NMNAT3: variants seen among roughly 807,000 people sequenced by gnomAD.
NMNAT3 encodes nicotinamide nucleotide adenylyltransferase 3, also known as nicotinamide/nicotinic acid mononucleotide adenylyltransferase 3.
Under a neutral mutation model 24.8 loss-of-function variants are expected in NMNAT3, and 21 were observed. The observed-to-expected ratio is 0.85, with a 90% CI of 0.60 to 1.22. The LOEUF is 1.22. Ranked by LOEUF, NMNAT3 falls within the 50% of genes most tolerant of loss-of-function variation. The pLI is 0.00. For missense variants in NMNAT3, 387 were observed against 436.6 expected, an observed-to-expected ratio of 0.89 and a Z score of 1.01; for synonymous variants, 136 against 155.2, an observed-to-expected ratio of 0.88 and a Z score of 0.92.
chr3:139,600,431 G>A (rs2054661815), intron 3 of NMNAT3, among the ~76,000 whole-genome samples: 2 of 151,704 alleles, frequency 1.3e-5, no homozygotes, highest in African/African-American at 4.8e-5. Context: ...TCAGCCTTCC[G>A]AGTAGCTGGG....
At chr3:139,579,082 C>A in intron 4 of NMNAT3, 27 bp from the exon 5 acceptor site, 1 of 1,589,458 alleles carries the variant, frequency 6.3e-7, no homozygotes, top group Non-Finnish European at 8.6e-7. Flanking sequence ...AGTGGTGTTG[C>A]ACATACAGAC....
chr3:139,619,955 T>G (rs1251429723), intron 3 of NMNAT3, among the ~76,000 whole-genome samples: 1 of 152,172 alleles, frequency 6.6e-6, no homozygotes, highest in Non-Finnish European at 1.5e-5. Flanking sequence ...AAACAATAAT[T>G]TTTAAATACC....
At chr3:139,615,460 T>TATCTATCTATCTATCC (rs748766151) in intron 3 of NMNAT3, among the ~76,000 whole-genome samples, 44 of 146,534 alleles carry the variant, frequency 3.0e-4, no homozygotes, top group African/African-American at 4.9e-4. Flanking sequence ...TCTATCTATC[T>TATCTATCTATCTATCC]ATCCATCCAC....
At chr3:139,616,934 C>G (rs1480695889) in intron 3 of NMNAT3, among the ~76,000 whole-genome samples, 4 of 152,234 alleles carry the variant, frequency 2.6e-5, no homozygotes, top group Admixed American at 1.3e-4. Context: ...TCCTTTTGCT[C>G]TGTGCCTCCT....
chr3:139,639,252 A>C (rs1291701325), intron 1 of NMNAT3, among the ~76,000 whole-genome samples: 8 of 152,190 alleles, frequency 5.3e-5, no homozygotes, highest in Non-Finnish European at 1.0e-4. Context: ...TAGGTGTAAA[A>C]CGTGTGTGGA....
intron 3 of NMNAT3, among the ~76,000 whole-genome samples, chr3:139,621,401 G>C (rs1408503829): frequency 6.6e-6 from 1 of 152,194 alleles, no homozygotes; most frequent in East Asian, 1.9e-4. Flanking sequence ...TGTCGAGACA[G>C]GGCTTTGCTC....
chr3:139,564,125 G>A (rs1040452671), intron 6 of NMNAT3, among the ~76,000 whole-genome samples: 5 of 152,118 alleles, frequency 3.3e-5, no homozygotes, highest in Admixed American at 2.6e-4. Context: ...TTAGCCTATG[G>A]GCCTGTTTCT....
chr3:139,611,688 T>G (rs1425445755), intron 3 of NMNAT3, among the ~76,000 whole-genome samples: 3 of 152,072 alleles, frequency 2.0e-5, no homozygotes, highest in African/African-American at 7.3e-5. Context: ...TAAGCTTAGC[T>G]GGGCAGTGAG....
At chr3:139,636,156 A>T (rs528894330) in intron 2 of NMNAT3, 23 of 152,288 alleles carry the variant, frequency 1.5e-4, no homozygotes, top group African/African-American at 5.3e-4. Context: ...TTTTTCTATT[A>T]TACACAGCTA....
At chr3:139,657,313 C>A (rs959665397) in intron 1 of NMNAT3, among the ~76,000 whole-genome samples, 45 of 152,244 alleles carry the variant, frequency 3.0e-4, no homozygotes, top group Admixed American at 6.5e-4. Flanking sequence ...ATTAACTATC[C>A]TTTAGACATC....
intron 3 of NMNAT3, among the ~76,000 whole-genome samples, chr3:139,611,602 T>C (rs1041792483): frequency 3.9e-5 from 6 of 152,116 alleles, no homozygotes; most frequent in African/African-American, 9.7e-5. Flanking sequence ...GTTCTTTCTT[T>C]TGTGGGTTGT....
intron 6 of NMNAT3, among the ~76,000 whole-genome samples, chr3:139,563,758 A>G (rs1488701527): frequency 6.6e-6 from 1 of 152,168 alleles, no homozygotes; most frequent in East Asian, 1.9e-4. Flanking sequence ...CATCTCTTCC[A>G]AATCCATTTA....
chr3:139,671,203 C>T (rs2057745153), intron 1 of NMNAT3, among the ~76,000 whole-genome samples: 1 of 152,136 alleles, frequency 6.6e-6, no homozygotes, highest in Non-Finnish European at 1.5e-5. Flanking sequence ...TAACTCTTGT[C>T]CCCTTAGAGG....
intron 1 of NMNAT3, among the ~76,000 whole-genome samples, chr3:139,644,823 A>C (rs2108366888): frequency 6.6e-6 from 1 of 152,342 alleles, no homozygotes; most frequent in Non-Finnish European, 1.5e-5. Context: ...AATGGTGTTC[A>C]ACTTTTAGAG....
intron 4 of NMNAT3, among the ~76,000 whole-genome samples, chr3:139,582,626 A>C (rs1164551644): frequency 7.6e-5 from 8 of 105,802 alleles, no homozygotes; most frequent in African/African-American, 2.9e-4. Context: ...TGGGCAACAG[A>C]GTGGGACTGT....
At chr3:139,672,346 T>C (rs552697210) in intron 1 of NMNAT3, among the ~76,000 whole-genome samples, 2 of 152,166 alleles carry the variant, frequency 1.3e-5, no homozygotes, top group African/African-American at 2.4e-5. Flanking sequence ...TTTAAAACCA[T>C]CTTAGGAGCT....
intron 3 of NMNAT3, among the ~76,000 whole-genome samples, chr3:139,603,623 G>A (rs1189690950): frequency 3.9e-5 from 6 of 151,996 alleles, no homozygotes; most frequent in Non-Finnish European, 8.8e-5. Context: ...ACCGTGCCCA[G>A]CGAGACAACT....
chr3:139,568,851 A>G (rs887044978), intron 6 of NMNAT3: 8 of 152,222 alleles, frequency 5.3e-5, no homozygotes, highest in Admixed American at 3.3e-4. Context: ...GTAGATGTCT[A>G]TTAAGTCTGC....
rs781284261 is a variant in NMNAT3 at position 139,572,269 on chromosome 3, G to A, written c.658+1329C>T. The A allele has an allele frequency of 3.8e-4, 151 of 398,510 alleles. 1 individual carries two copies. The highest frequency in any genetic ancestry group is 5.7e-4 in the Non-Finnish European group (128 of 226,210). The allele number at this position is 398,510 out of a possible 1,614,324, so 24.7% of individuals were successfully genotyped here. On this transcript the variant is annotated intron_variant, in intron 6 of 6. Coordinates refer to ENST00000643695, the MANE Select transcript of NMNAT3 (RefSeq NM_001320510.2). Reference sequence around the variant, plus strand: ...AGAGATGATGCAGAAAGAAGGGAGAGGCTGATAATGAATACTGGGCACTGT... The same window carrying A: ...AGAGATGATGCAGAAAGAAGGGAGAAGCTGATAATGAATACTGGGCACTGT...
Sources: allele counts gnomAD v4.1 joint callset (sites outside exome capture counted in the v4.1 genomes callset), GRCh38; gene constraint gnomAD v4.1.1; transcripts MANE v1.5; gene names NCBI Gene and HGNC (gene_info 2026-07-23, HGNC 2026-07-21).